PCM1: variants seen among roughly 807,000 people sequenced by gnomAD.
PCM1 encodes the protein pericentriolar material 1 protein.
A neutral mutation model predicts 241.9 loss-of-function variants in PCM1; 157 were observed. That is an observed-to-expected ratio of 0.65 (90% confidence interval 0.57 to 0.74). PCM1 has a LOEUF of 0.74. PCM1 is among the 30% of genes least tolerant of loss of function. The probability of loss-of-function intolerance (pLI) is 0.00; values close to 1 mark genes in which losing one functional copy is unlikely to be tolerated. For missense variants in PCM1, 3,478 were observed against 2,360.1 expected (o/e 1.47, Z -9.81); for synonymous variants, 1,085 against 784.9 (o/e 1.38, Z -6.39).
intron 6 of PCM1, among the ~76,000 whole-genome samples, chr8:17,945,796 C>A (rs2063579623): frequency 6.9e-6 from 1 of 144,850 alleles, no homozygotes; most frequent in Admixed American, 6.8e-5. Context: ...TGCATTTTTA[C>A]TTTCAAAAGA....
rs369818982 is a variant in PCM1, at chr8:17,935,666, A to G, written c.56A>G (p.Asn19Ser). ...GGCATGAATGATCAGGATTTACCAA[A>G]CTGGAGTAATGAGAATGTTGATGAC... is the stretch of plus-strand genomic sequence containing the variant. ...EDGMNDQDLP[N>S]WSNENVDDRL... The change falls in exon 3 of 39, where the codon AAC (asparagine) becomes AGC (serine). Residue 19 changes from asparagine to serine, a missense_variant. Transcript: ENST00000325083. 1.5e-4 allele frequency: 236 copies of G among 1,555,350 alleles called. 1 individual carries two copies. Among genetic ancestry groups the G allele is most frequent in the Non-Finnish European group, 2.0e-4 (230 of 1,126,900 alleles).
intron 26 of PCM1, among the ~76,000 whole-genome samples, chr8:17,988,135 G>A (rs547384925): frequency 3.3e-4 from 50 of 151,850 alleles, no homozygotes; most frequent in Non-Finnish European, 6.8e-4. Context: ...TCCTGCTCCC[G>A]ATGATAATAA....
chr8:17,934,279 T>TG (rs1316243455), intron 2 of PCM1, among the ~76,000 whole-genome samples: 1 of 151,712 alleles, frequency 6.6e-6, no homozygotes, highest in Non-Finnish European at 1.5e-5. Context: ...TTTTTTTTTT[T>TG]TGAGATGGTT....
At position 17,939,825 on chromosome 8, in the gene PCM1, A is replaced by G. The variant is rs1215672324; in HGVS notation, c.747A>G (p.Gln249=). Residue 249 remains glutamine, a synonymous_variant, in exon 6 of 39, where the codon CAA becomes CAG. Coordinates refer to ENST00000325083, the MANE Select transcript of PCM1 (RefSeq NM_006197.4). ...LTHLIDHLKE[Q]EKSYMKFLKK... ...ATCTAATAGATCACCTTAAAGAACA[A>G]GAGAAGTCATATATGAAATTTCTTA... is the stretch of plus-strand genomic sequence containing the variant. 1.6e-5 allele frequency: 25 copies of G among 1,519,814 alleles called. No individual in the cohort carries two copies. In the Admixed American group the frequency reaches 4.4e-4, roughly 27 times the overall value. 94.1% of individuals were successfully genotyped at this position (1,519,814 alleles called of 1,614,324 possible).
chr8:17,933,062 C>G (rs115394226), intron 2 of PCM1, among the ~76,000 whole-genome samples: 163 of 152,268 alleles, frequency 1.1e-3, no homozygotes, highest in African/African-American at 3.6e-3. Flanking sequence ...TGTTAAAGCT[C>G]TAAATGTATC....
chr8:17,956,524 C>G, intron 10 of PCM1, 80 bp from the exon 11 acceptor site: 1 of 858,674 alleles, frequency 1.2e-6, no homozygotes, highest in Non-Finnish European at 1.8e-6. Context: ...TTTCTGTTAG[C>G]TGCTATGATA....
intron 8 of PCM1, among the ~76,000 whole-genome samples, chr8:17,952,341 CA>C (rs1195123395): frequency 6.6e-6 from 1 of 151,994 alleles, no homozygotes; most frequent in Non-Finnish European, 1.5e-5. Context: ...AGAAAGAAGG[CA>C]AGAGAGAGAA....
chr8:17,967,305 C>CTTT (rs71304948), intron 21 of PCM1, 135 bp downstream of exon 21: 4,647 of 513,784 alleles, frequency 9.0e-3, no homozygotes, highest in East Asian at 0.031. Flanking sequence ...GTTACAAACT[C>CTTT]TTTTTTTTTT....
Position 17,950,623 on chromosome 8 carries a change from G to T in PCM1, c.970G>T (p.Glu324Ter). Residue 324 changes from glutamate to a stop codon, truncating the protein, a stop_gained, in exon 8 of 39, where the codon GAA becomes TAA. Transcript: ENST00000325083. LOFTEE classifies it high-confidence loss of function. ...IAVMDDSVVA[E>*]TAGSLSGVSI... is the part of the protein sequence containing the mutation. ...TACTAATTTCTTTCCAGTTGTTGCAGAAACTGCAGGTAGCTTATCTGGCGT... is the reference window on the plus strand; with the variant it reads ...TACTAATTTCTTTCCAGTTGTTGCATAAACTGCAGGTAGCTTATCTGGCGT... 6.3e-7 allele frequency: 1 copy of T among 1,580,852 alleles called. No individual in the cohort carries two copies. The highest frequency in any genetic ancestry group is 8.7e-7 in the Non-Finnish European group (1 of 1,154,386).
In PCM1 at chr8:17,960,171, T is replaced by C. The variant is rs1159118425; in HGVS notation, c.2192+6T>C. Reference sequence around the variant, plus strand: ...GGAGTAAATGAAAAGGCAAGGTATGTTAAGCTTTTGGCCTTCATTTAATAT... The same window carrying C: ...GGAGTAAATGAAAAGGCAAGGTATGCTAAGCTTTTGGCCTTCATTTAATAT... On this transcript the variant is annotated splice_donor_region_variant and intron_variant, in intron 14 of 38. Transcript: ENST00000325083. 3.2e-6 allele frequency: 5 copies of C among 1,560,336 alleles called. No homozygotes were observed. The Admixed American group carries it at 8.3e-5, about 26-fold the overall frequency.
At chr8:18,027,128 G>C (rs1365972315) in intron 38 of PCM1, among the ~76,000 whole-genome samples, 1 of 152,066 alleles carries the variant, frequency 6.6e-6, no homozygotes, top group African/African-American at 2.4e-5. Flanking sequence ...TGTTTTTCCT[G>C]GAAATGGAGT....
intron 6 of PCM1, among the ~76,000 whole-genome samples, chr8:17,940,894 C>G (rs2061812175): frequency 6.6e-6 from 1 of 152,150 alleles, no homozygotes; most frequent in Non-Finnish European, 1.5e-5. Context: ...CTATTACAGG[C>G]TAGTAAAGCT....
At chr8:17,952,310 A>G (rs1328914638) in intron 8 of PCM1, among the ~76,000 whole-genome samples, 2 of 152,136 alleles carry the variant, frequency 1.3e-5, no homozygotes, top group African/African-American at 2.4e-5. Flanking sequence ...TTAAGAAGTT[A>G]AAGTTTACAG....
chr8:18,012,779 T>G (rs2092686607), intron 34 of PCM1, among the ~76,000 whole-genome samples: 1 of 152,240 alleles, frequency 6.6e-6, no homozygotes, highest in Non-Finnish European at 1.5e-5. Context: ...TCTTCTGATT[T>G]TCTCCTCTTT....
rs184428890 is a variant in PCM1, at chr8:17,940,000, C to T, written c.783+139C>T. 6.8e-6 allele frequency: 9 copies of T among 1,328,074 alleles called. No individual in the cohort carries two copies. The Admixed American group carries it at 9.9e-5, about 15-fold the overall frequency. 82.3% of individuals were successfully genotyped at this position (1,328,074 alleles called of 1,614,324 possible). A position where few individuals can be genotyped will look rare whatever the true frequency, so the allele number is the denominator to read the frequency against. ...CCATCCATTATAACAATTTATTGCC[C>T]ATTTTAATAGTTGTATGATTTATAC... On this transcript the variant is annotated intron_variant, in intron 6 of 38. Transcript: ENST00000325083.
At chr8:18,015,265 A>C (rs2093022719) in intron 36 of PCM1, among the ~76,000 whole-genome samples, 1 of 151,916 alleles carries the variant, frequency 6.6e-6, no homozygotes, top group African/African-American at 2.4e-5. Flanking sequence ...AAAAAAAAAA[A>C]CTAGGAAATC....
In PCM1 at chr8:17,939,677, T is replaced by A. The variant is rs2061468134; in HGVS notation, c.613-14T>A. Reference sequence around the variant, plus strand: ...ACTTTCATGCTTTTTTTAAAAAAAATATTTCCCCTGCAGATTGTAAGCAGG... The same window carrying A: ...ACTTTCATGCTTTTTTTAAAAAAAAAATTTCCCCTGCAGATTGTAAGCAGG... On this transcript the variant is annotated splice_polypyrimidine_tract_variant and intron_variant, in intron 5 of 38. Transcript: ENST00000325083. 19 of 1,462,336 alleles carry A rather than the reference T, an allele frequency of 1.3e-5. No individual in the cohort carries two copies. Among genetic ancestry groups the A allele is most frequent in the East Asian group, 2.5e-5 (1 of 40,144 alleles). The allele number at this position is 1,462,336 out of a possible 1,614,324, so 90.6% of individuals were successfully genotyped here. A position where few individuals can be genotyped will look rare whatever the true frequency, so the allele number is the denominator to read the frequency against.
At chr8:17,948,641 G>C (rs2064838245) in intron 7 of PCM1, among the ~76,000 whole-genome samples, 1 of 152,074 alleles carries the variant, frequency 6.6e-6, no homozygotes, top group Non-Finnish European at 1.5e-5. Flanking sequence ...TAGCTGTATA[G>C]AGTACTGTAT....
chr8:18,014,703 A>C lies in PCM1; in HGVS notation c.5704A>C (p.Asn1902His). 1 of 1,613,470 alleles carries C rather than the reference A, an allele frequency of 6.2e-7. No individual in the cohort carries two copies. Among genetic ancestry groups the C allele is most frequent in the Non-Finnish European group, 8.5e-7 (1 of 1,179,836 alleles). ...PPTVDSTQQP[N>H]PLPLRLPEME... Reference sequence around the variant, plus strand: ...TACTGTTGATTCAACTCAACAGCCTAACCCTTTGCCGTTACGTTTACCTGA... The same window carrying C: ...TACTGTTGATTCAACTCAACAGCCTCACCCTTTGCCGTTACGTTTACCTGA... Residue 1902 changes from asparagine to histidine, a missense_variant, in exon 36 of 39, where the codon AAC (asparagine) becomes CAC (histidine). Transcript: ENST00000325083.
Sources: gnomAD v4.1 joint callset for allele counts (sites outside exome capture counted in the v4.1 genomes callset) on GRCh38, gnomAD v4.1.1 for gene constraint, MANE v1.5 for transcripts, NCBI Gene and HGNC (gene_info 2026-07-23, HGNC 2026-07-21) for gene names.